The following CECR2 variants were observed in gnomAD, a reference collection of about 807,000 sequenced individuals.
CECR2 encodes the protein chromatin remodeling regulator CECR2.
CECR2 carries 30 observed loss-of-function variants against 154.5 expected under a neutral mutation model. The observed-to-expected ratio is 0.19, with a 90% CI of 0.15 to 0.26. The LOEUF (loss-of-function observed/expected upper bound fraction) is 0.26. CECR2 is among the 10% of genes least tolerant of loss of function. The probability of loss-of-function intolerance (pLI) is 1.00; values close to 1 mark genes in which losing one functional copy is unlikely to be tolerated. For missense variants in CECR2, 1,743 were observed against 1,829.3 expected (o/e 0.95, Z 0.86); for synonymous variants, 725 against 683.7 (o/e 1.06, Z -0.94).
intron 5 of CECR2, among the ~76,000 whole-genome samples, chr22:17,502,332 G>A (rs1232130957): frequency 1.3e-5 from 2 of 152,260 alleles, no homozygotes; most frequent in East Asian, 3.9e-4. Context: ...AAATACACCT[G>A]TCTTCAGTGC....
At chr22:17,479,036 T>A (rs1212776843) in intron 2 of CECR2, among the ~76,000 whole-genome samples, 2 of 152,184 alleles carry the variant, frequency 1.3e-5, no homozygotes, top group Non-Finnish European at 2.9e-5. Flanking sequence ...AGTTTTCTTA[T>A]AACCACATTT....
intron 1 of CECR2, among the ~76,000 whole-genome samples, chr22:17,398,693 G>A (rs1239086675): frequency 2.0e-5 from 3 of 152,090 alleles, no homozygotes; most frequent in African/African-American, 7.2e-5. Context: ...GTTAACGTGA[G>A]AATTAAATAC....
intron 1 of CECR2, among the ~76,000 whole-genome samples, chr22:17,396,303 G>T (rs2053810051): frequency 6.6e-6 from 1 of 151,636 alleles, no homozygotes; most frequent in Admixed American, 6.6e-5. Context: ...CCAGCACTTT[G>T]GGAGGCCAAG....
chr22:17,485,542 G>A (rs766962145), intron 2 of CECR2, among the ~76,000 whole-genome samples: 5 of 152,142 alleles, frequency 3.3e-5, no homozygotes, highest in African/African-American at 4.8e-5. Context: ...GCCGAGGCAG[G>A]CCGCTCACAT....
At chr22:17,497,285 G>A in intron 2 of CECR2, 118 bp from the exon 3 acceptor site, 1 of 991,018 alleles carries the variant, frequency 1.0e-6, no homozygotes, top group Non-Finnish European at 1.5e-6. Context: ...GCGAGACCCT[G>A]TCTGTATAAA....
chr22:17,471,899 G>C (rs926177339), intron 1 of CECR2, among the ~76,000 whole-genome samples: 4 of 152,116 alleles, frequency 2.6e-5, no homozygotes, highest in African/African-American at 9.7e-5. Context: ...AACTTCTGGA[G>C]ACAGTTTTAG....
chr22:17,390,650 GT>G (rs149291133), intron 1 of CECR2, among the ~76,000 whole-genome samples: 1 of 151,892 alleles, frequency 6.6e-6, no homozygotes, highest in Non-Finnish European at 1.5e-5. Context: ...GTTTTGTTTT[GT>G]TTTTTGAGAC....
chr22:17,503,941 G>A (rs1400286887), intron 6 of CECR2, among the ~76,000 whole-genome samples: 1 of 151,978 alleles, frequency 6.6e-6, no homozygotes, highest in Non-Finnish European at 1.5e-5. Context: ...CAACTACTCG[G>A]GAGGCTGAGG....
intron 9 of CECR2, among the ~76,000 whole-genome samples, chr22:17,530,960 A>G (rs1243960170): frequency 6.6e-6 from 1 of 152,182 alleles, no homozygotes; most frequent in Non-Finnish European, 1.5e-5. Flanking sequence ...GGAGTGATGA[A>G]AAGATACTAG....
chr22:17,444,905 C>T (rs1035037908), intron 1 of CECR2, among the ~76,000 whole-genome samples: 1 of 152,212 alleles, frequency 6.6e-6, no homozygotes, highest in Admixed American at 6.5e-5. Flanking sequence ...AGATAATAAT[C>T]TGATCGCTAA....
chr22:17,433,935 G>A (rs1013133889), intron 1 of CECR2, among the ~76,000 whole-genome samples: 4 of 151,506 alleles, frequency 2.6e-5, no homozygotes, highest in African/African-American at 7.3e-5. Flanking sequence ...AATGGGGAGC[G>A]AATCTAAAAA....
At position 17,538,648 on chromosome 22, in the gene CECR2, G is replaced by A. The variant is rs751021833; in HGVS notation, c.1285G>A (p.Val429Met). 11 of 1,613,830 alleles carry A rather than the reference G, an allele frequency of 6.8e-6. No individual in the cohort carries two copies. The highest frequency in any genetic ancestry group is 6.7e-5 in the East Asian group (3 of 44,894). ...TCTTCTCTGGCTTTCAGTTCTAGAC[G>A]TGGTAAAGGCTCACAAGGATTCCTG... ...DFTAMYKVLD[V>M]VKAHKDSWPF... The change falls in exon 12 of 19, where the codon GTG (valine) becomes ATG (methionine). Residue 429 changes from valine (V) to methionine (M), a missense_variant. Physicochemically the swap from Val to Met is conservative, Grantham distance 21. Transcript: ENST00000262608.
chr22:17,474,122 T>C (rs2055171888), intron 1 of CECR2, among the ~76,000 whole-genome samples: 1 of 152,166 alleles, frequency 6.6e-6, no homozygotes, highest in Non-Finnish European at 1.5e-5. Context: ...CACCTATTCT[T>C]GGTTCTCATC....
In CECR2 at chr22:17,481,048, T is replaced by TA. The variant is rs1569109739; in HGVS notation, c.221+3366_221+3367insA. The stretch of plus-strand genomic sequence containing the variant: ...GAGTGAGACTCCATCTCTTTTTTTT[T>TA]TAAAAAAAAAAAAGGCCGGGCACGG... On this transcript the variant is annotated intron_variant, in intron 2 of 18. Coordinates refer to ENST00000262608, the MANE Select transcript of CECR2 (RefSeq NM_001290047.2). Among the ~76,000 whole-genome samples, 43 of 73,246 alleles carry TA rather than the reference T, an allele frequency of 5.9e-4. No homozygotes were observed. The East Asian group carries it at 8.1e-3, about 14-fold the overall frequency. 48.1% of individuals were successfully genotyped at this position (73,246 alleles called of 152,430 possible). A position where few individuals can be genotyped will look rare whatever the true frequency, so the allele number is the denominator to read the frequency against.
At chr22:17,497,029 C>T (rs2055641973) in intron 2 of CECR2, among the ~76,000 whole-genome samples, 1 of 152,202 alleles carries the variant, frequency 6.6e-6, no homozygotes, top group South Asian at 2.1e-4. Flanking sequence ...CGTGTTACCT[C>T]ACCCCTGTAA....
At chr22:17,502,133 T>C (rs1026646563) in intron 5 of CECR2, among the ~76,000 whole-genome samples, 25 of 152,232 alleles carry the variant, frequency 1.6e-4, no homozygotes, top group African/African-American at 6.0e-4. Context: ...TAATGCGTTA[T>C]ACACTTTGCA....
chr22:17,492,852 G>GAGT (rs2055555664), intron 2 of CECR2, among the ~76,000 whole-genome samples: 1 of 152,226 alleles, frequency 6.6e-6, no homozygotes, highest in Admixed American at 6.5e-5. Flanking sequence ...ATGAATGGAT[G>GAGT]AGTAAGTGAA....
At chr22:17,438,932 G>T (rs1315012909) in intron 1 of CECR2, among the ~76,000 whole-genome samples, 2 of 152,036 alleles carry the variant, frequency 1.3e-5, no homozygotes, top group Admixed American at 1.3e-4. Context: ...TCCACACTTT[G>T]GGGGAGGTCA....
At chr22:17,487,789 T>C (rs1213228971) in intron 2 of CECR2, among the ~76,000 whole-genome samples, 3 of 152,158 alleles carry the variant, frequency 2.0e-5, no homozygotes, top group African/African-American at 4.8e-5. Flanking sequence ...TGATTTGTGC[T>C]TCAGTATGGT....
Sources: gnomAD v4.1 joint callset for allele counts (sites outside exome capture counted in the v4.1 genomes callset) on GRCh38, gnomAD v4.1.1 for gene constraint, MANE v1.5 for transcripts, NCBI Gene and HGNC (gene_info 2026-07-23, HGNC 2026-07-21) for gene names.